The following CDH13 variants were observed in gnomAD, a reference collection of about 807,000 sequenced individuals.
CDH13 encodes cadherin-13.
CDH13 carries 24 observed loss-of-function variants against 63.8 expected under a neutral mutation model. The observed-to-expected ratio is 0.38, with a 90% CI of 0.27 to 0.53. The LOEUF is 0.53. Among genes scored for constraint, CDH13 ranks in the 20% least tolerant of loss-of-function variants. CDH13 has a pLI of 0.85. For missense variants in CDH13, 1,049 were observed against 903.1 expected (o/e 1.16, Z -2.07); for synonymous variants, 503 against 355.3 (o/e 1.42, Z -4.67).
chr16:83,409,292 G>A (rs2092092978), intron 6 of CDH13, among the ~76,000 whole-genome samples: 1 of 149,292 alleles, frequency 6.7e-6, no homozygotes, highest in South Asian at 2.1e-4. Context: ...ACTGATTGAA[G>A]GCTGCTGCTA....
chr16:83,069,970 TGAA>T (rs1256031738), intron 3 of CDH13, among the ~76,000 whole-genome samples: 1 of 152,124 alleles, frequency 6.6e-6, no homozygotes, highest in African/African-American at 2.4e-5. Flanking sequence ...AGTAAGGAAA[TGAA>T]GAAAAATTGG....
At chr16:83,178,614 G>A (rs908729197) in intron 4 of CDH13, among the ~76,000 whole-genome samples, 47 of 152,262 alleles carry the variant, frequency 3.1e-4, no homozygotes, top group African/African-American at 1.1e-3. Flanking sequence ...ATCACTTTGT[G>A]AATTCTGTTA....
At chr16:83,027,027 C>G (rs893409703) in intron 2 of CDH13, among the ~76,000 whole-genome samples, 5 of 151,602 alleles carry the variant, frequency 3.3e-5, no homozygotes, top group Non-Finnish European at 5.9e-5. Context: ...TCAATGAAAT[C>G]AAGAGGTCAC....
chr16:83,415,547 A>G (rs769967209), intron 6 of CDH13, among the ~76,000 whole-genome samples: 1 of 152,222 alleles, frequency 6.6e-6, no homozygotes, highest in South Asian at 2.1e-4. Context: ...CCAGCAGCAC[A>G]TTAAGAGGAT....
At chr16:82,827,232 A>C (rs2038298837) in intron 1 of CDH13, among the ~76,000 whole-genome samples, 1 of 152,208 alleles carries the variant, frequency 6.6e-6, no homozygotes, top group African/African-American at 2.4e-5. Context: ...ACAGAGAGAG[A>C]GTGGCATAAG....
intron 7 of CDH13, among the ~76,000 whole-genome samples, chr16:83,563,890 G>C (rs762460369): frequency 3.9e-5 from 6 of 152,062 alleles, no homozygotes; most frequent in Admixed American, 3.9e-4. Context: ...TGTTTATTCC[G>C]TGAAGTTACT....
intron 4 of CDH13, among the ~76,000 whole-genome samples, chr16:83,176,749 T>C (rs2038141129): frequency 1.3e-5 from 2 of 152,164 alleles, no homozygotes; most frequent in South Asian, 4.2e-4. Flanking sequence ...TAAAAGTCTT[T>C]AGTTGCTTGA....
chr16:83,416,285 G>GGAA (rs2071546479), intron 6 of CDH13, among the ~76,000 whole-genome samples: 1 of 152,268 alleles, frequency 6.6e-6, no homozygotes, highest in African/African-American at 2.4e-5. Flanking sequence ...TAGATGGATT[G>GGAA]GAAGACTTAC....
chr16:83,403,688 G>T (rs74485276), intron 6 of CDH13, among the ~76,000 whole-genome samples: 9,000 of 152,124 alleles, frequency 0.059, 292 homozygotes, highest in African/African-American at 0.061. Context: ...GCAGTCCCCA[G>T]TGGAAGTATA....
chr16:83,445,373 C>T (rs1296497329), intron 6 of CDH13, among the ~76,000 whole-genome samples: 1 of 148,128 alleles, frequency 6.8e-6, no homozygotes, highest in East Asian at 1.9e-4. Context: ...TTCAGAAAAG[C>T]TTCCTAAGTT....
At chr16:83,560,097 A>G (rs1330218306) in intron 7 of CDH13, among the ~76,000 whole-genome samples, 2 of 152,126 alleles carry the variant, frequency 1.3e-5, no homozygotes, top group African/African-American at 4.8e-5. Context: ...TTAATTCTTT[A>G]TGTGATGAAT....
chr16:82,911,519 C>A (rs1597196426), intron 2 of CDH13, among the ~76,000 whole-genome samples: 1 of 152,120 alleles, frequency 6.6e-6, no homozygotes, highest in African/African-American at 2.4e-5. Context: ...TGGTTAAATC[C>A]TTCCTCTTCT....
At chr16:82,696,204 T>G (rs1202324461) in intron 1 of CDH13, among the ~76,000 whole-genome samples, 1 of 152,246 alleles carries the variant, frequency 6.6e-6, no homozygotes, top group Non-Finnish European at 1.5e-5. Context: ...CACAGATTTC[T>G]TTTTGCATAA....
intron 7 of CDH13, among the ~76,000 whole-genome samples, chr16:83,549,975 A>T (rs151002933): frequency 1.1e-4 from 17 of 152,300 alleles, no homozygotes; most frequent in African/African-American, 4.1e-4. Flanking sequence ...GATCGTTCAT[A>T]TAGAAAGGAG....
At chr16:83,597,623 C>T (rs1215192646) in intron 7 of CDH13, among the ~76,000 whole-genome samples, 6 of 152,128 alleles carry the variant, frequency 3.9e-5, no homozygotes, top group Admixed American at 3.9e-4. Context: ...TACTTCAGTA[C>T]TAAAAATATT....
intron 5 of CDH13, among the ~76,000 whole-genome samples, chr16:83,324,615 G>A (rs978348680): frequency 6.6e-6 from 1 of 152,196 alleles, no homozygotes; most frequent in East Asian, 1.9e-4. Context: ...ATATTCCACT[G>A]CGTGAATATA....
intron 7 of CDH13, among the ~76,000 whole-genome samples, chr16:83,515,846 C>T (rs1837320236): frequency 6.6e-6 from 1 of 151,832 alleles, no homozygotes; most frequent in Non-Finnish European, 1.5e-5. Context: ...ATGTGTCCTG[C>T]CACATTAAAA....
At chr16:83,434,847 ATG>A in intron 6 of CDH13, among the ~76,000 whole-genome samples, 1 of 81,520 alleles carries the variant, frequency 1.2e-5, no homozygotes, top group African/African-American at 3.8e-5. Context: ...ATATATATAT[ATG>A]TGTGTGCGTG....
rs1338262983 is a variant in CDH13, at chr16:83,800,482, A to C, written c.*5452A>C. 1.3e-5 allele frequency: 2 copies of C among 152,218 alleles called. No homozygotes were observed. Among genetic ancestry groups the C allele is most frequent in the Non-Finnish European group, 2.9e-5 (2 of 68,032 alleles). The allele number at this position is 152,218 out of a possible 1,614,324, so 9.4% of individuals were successfully genotyped here. ...AAGGGATAAAAGTTAATCATGTTAAAATATTCAGTCTATGGCAGATGTCGC... is the reference window on the plus strand; with the variant it reads ...AAGGGATAAAAGTTAATCATGTTAACATATTCAGTCTATGGCAGATGTCGC... On this transcript the variant is annotated 3_prime_UTR_variant, in exon 14 of 14. Transcript: ENST00000567109.
Sources: allele counts gnomAD v4.1 joint callset (sites outside exome capture counted in the v4.1 genomes callset), GRCh38; gene constraint gnomAD v4.1.1; transcripts MANE v1.5; gene names NCBI Gene and HGNC (gene_info 2026-07-23, HGNC 2026-07-21).